Variants in SLC45A2 observed in about 807,000 individuals in gnomAD.
SLC45A2 encodes the protein membrane-associated transporter protein.
In SLC45A2, 36 loss-of-function variants were observed where a neutral mutation model predicts 45.5. The observed-to-expected ratio is 0.79, with a 90% CI of 0.61 to 1.04. The LOEUF (loss-of-function observed/expected upper bound fraction) is 1.04. Among genes scored for constraint, SLC45A2 ranks in the 50% least tolerant of loss-of-function variants. The pLI is 0.00. For missense variants in SLC45A2, 719 were observed against 671.0 expected (o/e 1.07, Z -0.79); for synonymous variants, 306 against 269.3 (o/e 1.14, Z -1.33).
intron 6 of SLC45A2, chr5:33,946,652 G>A: frequency 2.0e-6 from 2 of 1,014,646 alleles, no homozygotes; most frequent in Non-Finnish European, 2.4e-6. Flanking sequence ...TCTCACACAT[G>A]GGGTCTGACT....
chr5:33,947,483 A>G, intron 5 of SLC45A2, 109 bp from the exon 6 acceptor site: 1 of 1,055,726 alleles, frequency 9.5e-7, no homozygotes, highest in South Asian at 1.4e-5. Context: ...ATCCTTTGAT[A>G]CTGAGCCAGG....
intron 2 of SLC45A2, among the ~76,000 whole-genome samples, chr5:33,978,811 G>A (rs1277775179): frequency 1.3e-5 from 2 of 152,130 alleles, no homozygotes; most frequent in East Asian, 3.8e-4. Flanking sequence ...ACCTCTTGAG[G>A]TTGTGTTCCA....
chr5:33,972,005 G>T (rs1221543328), intron 2 of SLC45A2: 1 of 461,360 alleles, frequency 2.2e-6, no homozygotes, highest in Admixed American at 2.3e-5. Flanking sequence ...GCCTCCCACA[G>T]TGTTGGGATT....
intron 2 of SLC45A2, chr5:33,972,174 T>G (rs1752802420): frequency 1.9e-6 from 1 of 522,604 alleles, no homozygotes. Flanking sequence ...ATGGATGAAT[T>G]AGATGCTATT....
At position 33,982,305 on chromosome 5, in the gene SLC45A2, C is replaced by G; in HGVS notation, c.493G>C (p.Ala165Pro). 1 of 1,614,132 alleles carries G rather than the reference C, an allele frequency of 6.2e-7. No individual in the cohort carries two copies. Among genetic ancestry groups the G allele is most frequent in the Non-Finnish European group, 8.5e-7 (1 of 1,180,020 alleles). Reference protein sequence around the residue: ...AADFIDGPIKAYLFDVCSHQD... With the variant: ...AADFIDGPIKPYLFDVCSHQD... ...TGGGAGCAGACATCAAATAAGTAGG[C>G]TTTGATGGGCCCATCAATGAAGTCG... Residue 165 changes from alanine to proline, a missense_variant, in exon 2 of 7, where the codon GCC (alanine) becomes CCC (proline). Physicochemically the swap from Ala to Pro is conservative, Grantham distance 27. Coordinates refer to ENST00000296589, the MANE Select transcript of SLC45A2 (RefSeq NM_016180.5).
chr5:33,956,541 T>A (rs1461667026), intron 3 of SLC45A2, among the ~76,000 whole-genome samples: 2 of 152,172 alleles, frequency 1.3e-5, no homozygotes, highest in African/African-American at 4.8e-5. Context: ...GAGAGTGTTT[T>A]GAGAAAGTTA....
chr5:33,948,045 C>T (rs1751990650), intron 5 of SLC45A2, among the ~76,000 whole-genome samples: 1 of 152,166 alleles, frequency 6.6e-6, no homozygotes, highest in African/African-American at 2.4e-5. Flanking sequence ...TTCTCAAAAC[C>T]CCAGCTTCCT....
chr5:33,946,664 A>G, intron 6 of SLC45A2: 6 of 1,023,966 alleles, frequency 5.9e-6, no homozygotes, highest in Non-Finnish European at 7.0e-6. Context: ...GGTCTGACTT[A>G]CTAAAATCTG....
At position 33,947,033 on chromosome 5, in the gene SLC45A2, TG is replaced by T. The variant is rs1189349249; in HGVS notation, c.1368+129del. 12 of 1,603,840 alleles carry T rather than the reference TG, an allele frequency of 7.5e-6. No individual in the cohort carries two copies. In the African/African-American group the frequency reaches 1.3e-4, roughly 18 times the overall value. ...GTACCAGATCATGGTTGCAGTTGGTTGGGCATTTGACTGTTGCTGTTTCAAG... is the reference window on the plus strand; with the variant it reads ...GTACCAGATCATGGTTGCAGTTGGTTGGCATTTGACTGTTGCTGTTTCAAG... On this transcript the variant is annotated intron_variant, in intron 6 of 6. Transcript: ENST00000296589.
intron 2 of SLC45A2, among the ~76,000 whole-genome samples, chr5:33,980,552 A>G (rs375249481): frequency 5.3e-5 from 8 of 152,328 alleles, no homozygotes; most frequent in East Asian, 3.9e-4. Flanking sequence ...ATTATCATAC[A>G]TGGGGTATTT....
rs1489733369 is a variant in SLC45A2, at chr5:33,968,034, AAGTTAGAATAGTACAACACGACATGCC to A, written c.563-4045_563-4019del. Among the ~76,000 whole-genome samples the A allele has an allele frequency of 2.9e-4, 44 of 152,212 alleles. No individual in the cohort carries two copies. In the South Asian group the frequency reaches 6.0e-3, roughly 21 times the overall value. ...ACTGTTTTGAAGTAGTTGTAGCTGC[AAGTTAGAATAGTACAACACGACATGCC>A]AGGAAAGCAAAGTGGGCCACTGGGG... is the stretch of plus-strand genomic sequence containing the variant. On this transcript the variant is annotated intron_variant, in intron 2 of 6. Coordinates refer to ENST00000296589, the MANE Select transcript of SLC45A2 (RefSeq NM_016180.5).
chr5:33,976,408 A>C (rs570895709), intron 2 of SLC45A2, among the ~76,000 whole-genome samples: 5 of 152,384 alleles, frequency 3.3e-5, no homozygotes, highest in African/African-American at 1.2e-4. Flanking sequence ...AAATGTATTC[A>C]AATAACTAAC....
At chr5:33,958,724 A>G (rs1057436616) in intron 3 of SLC45A2, among the ~76,000 whole-genome samples, 1 of 152,132 alleles carries the variant, frequency 6.6e-6, no homozygotes, top group Non-Finnish European at 1.5e-5. Context: ...TTCAGAGTCT[A>G]CAACATTTTT....
intron 2 of SLC45A2, among the ~76,000 whole-genome samples, chr5:33,977,850 T>C (rs961358418): frequency 1.3e-5 from 2 of 152,162 alleles, no homozygotes; most frequent in Admixed American, 6.5e-5. Flanking sequence ...AACCTCTGTC[T>C]AGGAAAATAT....
In SLC45A2 at chr5:33,984,265, G is replaced by C; in HGVS notation, c.319C>G (p.Leu107Val). The change falls in exon 1 of 7, where the codon CTC (leucine) becomes GTC (valine). Residue 107 changes from leucine to valine, a missense_variant. Transcript: ENST00000296589. ...ACGAGCATCATGACTCCCAGGGTGA[G>C]GATGTAGGGTCTCCGGCGGCCCCAC... ...SRWGRRRPYILTLGVMMLVGM... is the reference protein window; with the variant it reads ...SRWGRRRPYIVTLGVMMLVGM... The C allele has an allele frequency of 6.2e-7, 1 of 1,614,180 alleles. No homozygotes were observed. The highest frequency in any genetic ancestry group is 8.5e-7 in the Non-Finnish European group (1 of 1,180,024).
Position 33,963,924 on chromosome 5 carries a change from A to T in SLC45A2, c.655T>A (p.Phe219Ile). ...RLLGTEFQVM[F>I]FFSALVLTLC... ...GTGAGCACCAATGCAGAGAAGAAGA[A>T]CATGACCTGGAATTCTGTACCCAAC... The change falls in exon 3 of 7, where the codon TTC (phenylalanine) becomes ATC (isoleucine). Residue 219 changes from phenylalanine (F) to isoleucine (I), a missense_variant. Coordinates refer to ENST00000296589, the MANE Select transcript of SLC45A2 (RefSeq NM_016180.5). 6.2e-7 allele frequency: 1 copy of T among 1,614,198 alleles called. No individual in the cohort carries two copies. Among genetic ancestry groups the T allele is most frequent in the Non-Finnish European group, 8.5e-7 (1 of 1,180,012 alleles).
At position 33,954,516 on chromosome 5, in the gene SLC45A2, C is replaced by T. The variant is rs761422823; in HGVS notation, c.889-12G>A. The stretch of plus-strand genomic sequence containing the variant: ...ATTGCCCTGCGAGTCTGAAATAAAA[C>T]ATGAAACAGAGGTGTGATCTTCACT... On this transcript the variant is annotated splice_polypyrimidine_tract_variant and intron_variant, in intron 3 of 6. Transcript: ENST00000296589. The T allele has an allele frequency of 9.3e-6, 15 of 1,613,328 alleles. No homozygotes were observed. In the South Asian group the frequency reaches 1.5e-4, roughly 17 times the overall value.
At chr5:33,960,301 T>C (rs1486729499) in intron 3 of SLC45A2, among the ~76,000 whole-genome samples, 4 of 151,628 alleles carry the variant, frequency 2.6e-5, no homozygotes, top group African/African-American at 9.7e-5. Flanking sequence ...ATATATATCA[T>C]AGTTTTTTTA....
rs775387808 is a variant in SLC45A2 at position 33,984,319 on chromosome 5, CG to C, written c.264del (p.Gly89AspfsTer24). 2.2e-4 allele frequency: 360 copies of C among 1,614,000 alleles called. No homozygotes were observed. The highest frequency in any genetic ancestry group is 2.8e-4 in the Non-Finnish European group (332 of 1,180,030). Reference protein sequence around the residue: ...PILGFLLQPVVGSASDHCRSR... With the variant: ...PILGFLLQPVXGSASDHCRSR... ...GACCGGCAGTGGTCGCTGGCCGATC[CG>C]ACCACGGGCTGCAGCAGGAATCCCA... On this transcript the variant is annotated frameshift_variant, in exon 1 of 7. Coordinates refer to ENST00000296589, the MANE Select transcript of SLC45A2 (RefSeq NM_016180.5). LOFTEE classifies it high-confidence loss of function.
Sources: allele counts gnomAD v4.1 joint callset (sites outside exome capture counted in the v4.1 genomes callset), GRCh38; gene constraint gnomAD v4.1.1; transcripts MANE v1.5; gene names NCBI Gene and HGNC (gene_info 2026-07-23, HGNC 2026-07-21).